RORB: variants seen among roughly 807,000 people sequenced by gnomAD.
RORB encodes nuclear receptor ROR-beta.
RORB carries 6 observed loss-of-function variants against 59.1 expected under a neutral mutation model. That is an observed-to-expected ratio of 0.10 (90% CI 0.06 to 0.20). The LOEUF is 0.20. Among genes scored for constraint, RORB ranks in the 10% least tolerant of loss-of-function variants. RORB has a pLI of 1.00. For synonymous variants in RORB, 215 were observed against 204.5 expected (o/e 1.05, Z -0.44); for missense variants, 320 against 560.5 (o/e 0.57, Z 4.33).
intron 2 of RORB, among the ~76,000 whole-genome samples, chr9:74,632,830 G>T (rs1222472425): frequency 6.6e-6 from 1 of 152,010 alleles, no homozygotes; most frequent in Non-Finnish European, 1.5e-5. Flanking sequence ...CAGTTTTCAT[G>T]GTATATAAAG....
chr9:74,665,427 T>A, intron 6 of RORB, 61 bp from the exon 7 acceptor site: 1 of 1,016,834 alleles, frequency 9.8e-7, no homozygotes, highest in Non-Finnish European at 1.4e-6. Context: ...TAATAATTTC[T>A]TTATTATTGG....
At chr9:74,596,552 C>T (rs1407842840) in intron 1 of RORB, among the ~76,000 whole-genome samples, 1 of 152,056 alleles carries the variant, frequency 6.6e-6, no homozygotes, top group African/African-American at 2.4e-5. Context: ...TTTTGGTTAC[C>T]CTAATCCTGC....
At chr9:74,622,544 T>TTTG (rs1823440031) in intron 1 of RORB, among the ~76,000 whole-genome samples, 1 of 146,256 alleles carries the variant, frequency 6.8e-6, no homozygotes, top group South Asian at 2.3e-4. Flanking sequence ...TTTTTTTTTT[T>TTTG]GAGACAGAGT....
In RORB at chr9:74,692,848, T is replaced by C. The variant is rs1180058691; in HGVS notation, c.*7230T>C. ...AAAATCTACAATTTTCTGATCTCTC[T>C]CTCCTTGTTTAATATATAAGCCCTA... On this transcript the variant is annotated 3_prime_UTR_variant, in exon 10 of 10. Coordinates refer to ENST00000376896, the MANE Select transcript of RORB (RefSeq NM_006914.4). 6.6e-6 allele frequency: 1 copy of C among 152,148 alleles called. No homozygotes were observed. The highest frequency in any genetic ancestry group is 1.5e-5 in the Non-Finnish European group (1 of 68,018). 9.4% of individuals were successfully genotyped at this position (152,148 alleles called of 1,614,324 possible).
intron 1 of RORB, among the ~76,000 whole-genome samples, chr9:74,600,901 C>G (rs376937232): frequency 6.6e-6 from 1 of 152,010 alleles, no homozygotes; most frequent in Non-Finnish European, 1.5e-5. Flanking sequence ...TAGACTAATG[C>G]TTGATACAAA....
rs565142481 is a variant in RORB at position 74,666,132 on chromosome 9, CAA to C, written c.1000+541_1000+542del. On this transcript the variant is annotated intron_variant, in intron 7 of 9. Transcript: ENST00000376896. ...TGAAAGCCAGTCTCTTGCAAAAATA[CAA>C]AAATTAGCCACGCATGGTGGCTGAC... Among the ~76,000 whole-genome samples the C allele has an allele frequency of 5.9e-5, 9 of 152,076 alleles. No homozygotes were observed. The South Asian group carries it at 1.7e-3, about 28-fold the overall frequency.
intron 8 of RORB, among the ~76,000 whole-genome samples, chr9:74,670,506 A>G (rs1420428850): frequency 2.0e-5 from 3 of 152,214 alleles, no homozygotes. Context: ...TTCTAGAAAA[A>G]AAACATACTA....
chr9:74,651,028 G>A (rs1042908210), intron 4 of RORB, among the ~76,000 whole-genome samples: 1 of 152,180 alleles, frequency 6.6e-6, no homozygotes, highest in African/African-American at 2.4e-5. Flanking sequence ...TTTTCATAAT[G>A]AGATTTCATC....
intron 1 of RORB, among the ~76,000 whole-genome samples, chr9:74,561,684 A>C (rs1822398591): frequency 6.6e-6 from 1 of 152,198 alleles, no homozygotes; most frequent in African/African-American, 2.4e-5. Flanking sequence ...AATGTTAAAA[A>C]TTTACATAAC....
chr9:74,533,896 G>A (rs1826283198), intron 1 of RORB, among the ~76,000 whole-genome samples: 1 of 151,954 alleles, frequency 6.6e-6, no homozygotes, highest in Non-Finnish European at 1.5e-5. Flanking sequence ...TTAGGGGTTG[G>A]TAAAGGGGAC....
At chr9:74,652,414 A>G (rs773169171) in intron 4 of RORB, among the ~76,000 whole-genome samples, 9 of 152,186 alleles carry the variant, frequency 5.9e-5, no homozygotes, top group Non-Finnish European at 1.3e-4. Context: ...CTCAAAAGAA[A>G]AAAAATGCTA....
chr9:74,515,138 A>C (rs1825990151), intron 1 of RORB, among the ~76,000 whole-genome samples: 1 of 150,402 alleles, frequency 6.6e-6, no homozygotes, highest in South Asian at 2.1e-4. Context: ...CCAATGAAGA[A>C]AATGTATTTA....
At position 74,497,964 on chromosome 9, in the gene RORB, G is replaced by A; in HGVS notation, c.-13G>A. ...AGCTTCATGACTACGCGGAGCGGGA[G>A]AGCGGCCACACCATGCGAGGTAAGC... On this transcript the variant is annotated 5_prime_UTR_variant, in exon 1 of 10. Transcript: ENST00000376896. The A allele has an allele frequency of 6.2e-7, 1 of 1,612,116 alleles. No homozygotes were observed. The highest frequency in any genetic ancestry group is 8.5e-7 in the Non-Finnish European group (1 of 1,179,550).
chr9:74,577,600 TGA>T (rs1232153345), intron 1 of RORB, among the ~76,000 whole-genome samples: 17 of 152,046 alleles, frequency 1.1e-4, no homozygotes, highest in African/African-American at 4.1e-4. Flanking sequence ...AAACACTTCC[TGA>T]GAGAAAGTTA....
At chr9:74,499,215 A>C (rs925418690) in intron 1 of RORB, 2 of 152,388 alleles carry the variant, frequency 1.3e-5, no homozygotes, top group African/African-American at 4.8e-5. Context: ...ACCTTCTTGC[A>C]TCCCAGACCC....
intron 1 of RORB, among the ~76,000 whole-genome samples, chr9:74,605,807 T>C (rs942213387): frequency 3.3e-5 from 5 of 152,194 alleles, no homozygotes; most frequent in African/African-American, 1.2e-4. Flanking sequence ...TTATTAATTA[T>C]GTAATATAAG....
intron 4 of RORB, among the ~76,000 whole-genome samples, chr9:74,658,857 A>G (rs888663152): frequency 6.6e-6 from 1 of 152,228 alleles, no homozygotes; most frequent in Non-Finnish European, 1.5e-5. Flanking sequence ...TTTTTTAAAG[A>G]AAGGATTTTG....
At chr9:74,667,429 C>G (rs1052729563) in intron 7 of RORB, among the ~76,000 whole-genome samples, 9 of 152,166 alleles carry the variant, frequency 5.9e-5, no homozygotes, top group Non-Finnish European at 1.3e-4. Flanking sequence ...AATACTATCT[C>G]TATTGTAAAG....
chr9:74,580,580 A>G (rs1822707111), intron 1 of RORB, among the ~76,000 whole-genome samples: 1 of 152,142 alleles, frequency 6.6e-6, no homozygotes, highest in Non-Finnish European at 1.5e-5. Flanking sequence ...GCAGTGCCCC[A>G]AAAATAATTC....
Sources: gnomAD v4.1 joint callset for allele counts (sites outside exome capture counted in the v4.1 genomes callset) on GRCh38, gnomAD v4.1.1 for gene constraint, MANE v1.5 for transcripts, NCBI Gene and HGNC (gene_info 2026-07-23, HGNC 2026-07-21) for gene names.